CA4: variants seen among roughly 807,000 people sequenced by gnomAD.
The protein encoded by CA4 is carbonic anhydrase 4.
In CA4, 24 loss-of-function variants were observed where a neutral mutation model predicts 34.5. The ratio of observed to expected loss-of-function variants is 0.70; its 90% CI spans 0.50 to 0.98. CA4 has a LOEUF of 0.98. CA4 is among the 50% of genes least tolerant of loss of function. The pLI is 0.00. For missense variants in CA4, 394 were observed against 396.7 expected (o/e 0.99, Z 0.06); for synonymous variants, 178 against 170.6 (o/e 1.04, Z -0.34).
rs556598729 is a variant in CA4, at chr17:60,155,329, A to G, written c.74A>G (p.Tyr25Cys). The G allele has an allele frequency of 1.2e-6, 2 of 1,611,560 alleles. No homozygotes were observed. The highest frequency in any genetic ancestry group is 4.5e-5 in the East Asian group (2 of 44,760). Residue 25 changes from tyrosine to cysteine, a missense_variant, in exon 2 of 8, where the codon TAC (tyrosine) becomes TGC (cysteine). Tyr to Cys is a radical substitution (Grantham distance 194). Coordinates refer to ENST00000300900, the MANE Select transcript of CA4 (RefSeq NM_000717.5). Reference sequence around the variant, plus strand: ...TCTGCTCCAGAGTCACACTGGTGCTACGAGGTTCAAGCCGAGTCCTCCAAC... The same window carrying G: ...TCTGCTCCAGAGTCACACTGGTGCTGCGAGGTTCAAGCCGAGTCCTCCAAC... ...PSASAESHWCYEVQAESSNYP... is the reference protein window; with the variant it reads ...PSASAESHWCCEVQAESSNYP...
At chr17:60,178,856 C>CA in the CA4 span, among the ~76,000 whole-genome samples, 1 of 152,182 alleles carries the variant, frequency 6.6e-6, no homozygotes, top group Non-Finnish European at 1.5e-5. Flanking sequence ...CCCTAGACAA[C>CA]ATTATAATTG....
intron 5 of CA4, among the ~76,000 whole-genome samples, chr17:60,164,596 G>T (rs974073929): frequency 6.6e-6 from 1 of 152,020 alleles, no homozygotes. Flanking sequence ...TTGCTATGTT[G>T]GCCAAGCTGG....
At chr17:60,168,841 A>C (rs72843522) in intron 5 of CA4, among the ~76,000 whole-genome samples, 1,540 of 152,144 alleles carry the variant, frequency 0.01, 13 homozygotes, top group Non-Finnish European at 0.016. Context: ...TTTGAGGGAG[A>C]GTGGGTCTTT....
chr17:60,150,949 C>G (rs2083581983), intron 1 of CA4, among the ~76,000 whole-genome samples: 1 of 152,168 alleles, frequency 6.6e-6, no homozygotes, highest in Admixed American at 6.5e-5. Flanking sequence ...GTGGGGGACC[C>G]GGAGCCCCAA....
chr17:60,171,210 C>T (rs999138516), downstream of CA4, among the ~76,000 whole-genome samples: 9 of 152,214 alleles, frequency 5.9e-5, no homozygotes, highest in South Asian at 4.1e-4. Context: ...ACTCAATGAA[C>T]GTGTTTTGGA....
downstream of CA4, among the ~76,000 whole-genome samples, chr17:60,160,401 C>T (rs1301499172): frequency 6.6e-6 from 1 of 152,204 alleles, no homozygotes; most frequent in Admixed American, 6.5e-5. Context: ...AGTGGAGAGA[C>T]AGCCCATAAA....
At chr17:60,154,299 A>G (rs1252643605) in intron 1 of CA4, among the ~76,000 whole-genome samples, 2 of 152,112 alleles carry the variant, frequency 1.3e-5, no homozygotes, top group African/African-American at 4.8e-5. Flanking sequence ...ACTAAGTGCC[A>G]AGCCGCCTGA....
Position 60,158,128 on chromosome 17 carries a change from G to T in CA4, c.580+1G>T. The T allele has an allele frequency of 4.3e-6, 7 of 1,613,808 alleles. No homozygotes were observed. Among genetic ancestry groups the T allele is most frequent in the Non-Finnish European group, 5.9e-6 (7 of 1,179,810 alleles). ...GCACTGTCTAATATCCCCAAACCTGGTGAGTCAGGATGGGGGAGAAGGGCT... is the reference window on the plus strand; with the variant it reads ...GCACTGTCTAATATCCCCAAACCTGTTGAGTCAGGATGGGGGAGAAGGGCT... On this transcript the variant is annotated splice_donor_variant, in intron 6 of 7. Transcript: ENST00000300900. LOFTEE classifies it high-confidence loss of function.
chr17:60,177,178 G>A, the CA4 span, among the ~76,000 whole-genome samples: 1 of 152,218 alleles, frequency 6.6e-6, no homozygotes, highest in East Asian at 1.9e-4. Context: ...CACAGAGAGG[G>A]AGGCTGAAGA....
At chr17:60,167,012 A>C (rs1157745931) in intron 5 of CA4, among the ~76,000 whole-genome samples, 1 of 152,200 alleles carries the variant, frequency 6.6e-6, no homozygotes, top group Non-Finnish European at 1.5e-5. Context: ...TTGAACCCAG[A>C]AATTCTGATA....
intron 3 of CA4, 96 bp from the exon 4 acceptor site, chr17:60,157,331 C>A (rs2083705983): frequency 8.2e-7 from 1 of 1,220,720 alleles, no homozygotes; most frequent in Non-Finnish European, 1.1e-6. Context: ...GGTTGGGAGG[C>A]AGGAGACAAT....
At chr17:60,167,412 C>T (rs1329322625) in intron 5 of CA4, among the ~76,000 whole-genome samples, 3 of 152,210 alleles carry the variant, frequency 2.0e-5, no homozygotes, top group Admixed American at 2.0e-4. Flanking sequence ...TTGTCTGCTC[C>T]CCCAGCAAGA....
chr17:60,165,741 A>C (rs1352465329), intron 5 of CA4, among the ~76,000 whole-genome samples: 1 of 150,716 alleles, frequency 6.6e-6, no homozygotes, highest in Admixed American at 6.6e-5. Flanking sequence ...CCCTGTCCCC[A>C]CCCTTGGCTT....
downstream of CA4, among the ~76,000 whole-genome samples, chr17:60,160,750 CAA>C (rs201178794): frequency 1.6e-4 from 21 of 129,670 alleles, no homozygotes; most frequent in African/African-American, 3.4e-4. Context: ...GACTCTGTCT[CAA>C]AAAAAAAAAA....
downstream of CA4, among the ~76,000 whole-genome samples, chr17:60,164,169 C>CCT (rs749131087): frequency 1.4e-5 from 2 of 140,940 alleles, no homozygotes; most frequent in African/African-American, 2.8e-5. Flanking sequence ...TCCCTCCCTC[C>CCT]CTCTCTCTCT....
At chr17:60,178,800 T>G in the CA4 span, among the ~76,000 whole-genome samples, 9 of 152,266 alleles carry the variant, frequency 5.9e-5, no homozygotes, top group Admixed American at 6.5e-5. Flanking sequence ...CTTGTCAATA[T>G]AATGGAATAA....
intron 5 of CA4, 74 bp downstream of exon 5, chr17:60,157,862 C>T (rs1371285843): frequency 6.5e-7 from 1 of 1,529,142 alleles, no homozygotes; most frequent in African/African-American, 1.4e-5. Context: ...AGACCTGGGA[C>T]TCCAGCGAGG....
downstream of CA4, among the ~76,000 whole-genome samples, chr17:60,173,808 G>T (rs1417650831): frequency 6.6e-6 from 1 of 152,190 alleles, no homozygotes; most frequent in Non-Finnish European, 1.5e-5. Context: ...GGGTGTAATA[G>T]GCACAGAACA....
At chr17:60,174,759 C>G (rs191447231), downstream of CA4, among the ~76,000 whole-genome samples, 201 of 152,348 alleles carry the variant, frequency 1.3e-3, 1 homozygote, top group African/African-American at 4.5e-3. Flanking sequence ...GGGATCGCCA[C>G]TCCCCAACTT....
Sources: allele counts gnomAD v4.1 joint callset (sites outside exome capture counted in the v4.1 genomes callset), GRCh38; gene constraint gnomAD v4.1.1; transcripts MANE v1.5; gene names NCBI Gene and HGNC (gene_info 2026-07-23, HGNC 2026-07-21).